The following MARCHF5 variants were observed in gnomAD, a reference collection of about 807,000 sequenced individuals.
MARCHF5 encodes the protein membrane associated ring-CH-type finger 5.
In MARCHF5, 5 loss-of-function variants were observed where a neutral mutation model predicts 36.5. The ratio of observed to expected loss-of-function variants is 0.14; its 90% CI spans 0.07 to 0.29. The LOEUF is 0.29. Among genes scored for constraint, MARCHF5 ranks in the 10% least tolerant of loss-of-function variants. The pLI, the probability that MARCHF5 is intolerant of heterozygous loss-of-function variation, is 1.00. For synonymous variants in MARCHF5, 103 were observed against 109.9 expected (o/e 0.94, Z 0.39); for missense variants, 179 against 336.3 (o/e 0.53, Z 3.66).
intron 3 of MARCHF5, among the ~76,000 whole-genome samples, chr10:92,343,121 T>G (rs1042498291): frequency 2.0e-5 from 3 of 152,236 alleles, no homozygotes; most frequent in Admixed American, 6.5e-5. Context: ...TAATCGTACT[T>G]CGTTCTGCTT....
chr10:92,317,933 T>TG (rs960399194), intron 2 of MARCHF5, among the ~76,000 whole-genome samples: 7 of 152,048 alleles, frequency 4.6e-5, no homozygotes, highest in Admixed American at 1.3e-4. Context: ...GTAGTTTTAG[T>TG]AGAGACAGTG....
intron 2 of MARCHF5, among the ~76,000 whole-genome samples, chr10:92,317,136 G>A (rs77233344): frequency 1.4e-3 from 208 of 152,196 alleles, no homozygotes; most frequent in Middle Eastern, 0.01. Flanking sequence ...GACGGATCTC[G>A]CACTGTCATC....
chr10:92,340,585 G>A (rs1843567343), intron 2 of MARCHF5, 88 bp from the exon 3 acceptor site: 12 of 1,244,492 alleles, frequency 9.6e-6, no homozygotes, highest in Non-Finnish European at 1.1e-5. Flanking sequence ...TTGGGGGGAA[G>A]GTATTTTAGA....
chr10:92,346,114 G>A (rs1165297781), intron 3 of MARCHF5, among the ~76,000 whole-genome samples: 1 of 152,202 alleles, frequency 6.6e-6, no homozygotes, highest in Non-Finnish European at 1.5e-5. Context: ...CAGAATGTAT[G>A]TGATTACACA....
At chr10:92,309,096 C>T (rs928992013) in intron 1 of MARCHF5, among the ~76,000 whole-genome samples, 2 of 151,836 alleles carry the variant, frequency 1.3e-5, no homozygotes, top group East Asian at 1.9e-4. Flanking sequence ...TGAAATGCAG[C>T]AAAAAATAAG....
At chr10:92,346,790 C>A (rs1055326965) in intron 3 of MARCHF5, among the ~76,000 whole-genome samples, 1 of 151,960 alleles carries the variant, frequency 6.6e-6, no homozygotes, top group Non-Finnish European at 1.5e-5. Flanking sequence ...ACCCCTACTT[C>A]CTTTTTGTTT....
At chr10:92,310,447 C>T (rs537282373) in intron 1 of MARCHF5, among the ~76,000 whole-genome samples, 1 of 152,006 alleles carries the variant, frequency 6.6e-6, no homozygotes, top group Admixed American at 6.6e-5. Flanking sequence ...TTAAAATTAC[C>T]GATCTCAATA....
At chr10:92,332,302 A>G (rs1000884623) in intron 2 of MARCHF5, among the ~76,000 whole-genome samples, 2 of 152,058 alleles carry the variant, frequency 1.3e-5, no homozygotes, top group African/African-American at 2.4e-5. Context: ...TATTAAGCAA[A>G]GTAACTTACA....
intron 2 of MARCHF5, among the ~76,000 whole-genome samples, chr10:92,329,609 T>C (rs2026054): frequency 0.99 from 150,280 of 152,252 alleles, 74,201 homozygotes; most frequent in Middle Eastern, 1. Context: ...ATATCATTGG[T>C]TTATTTCACT....
At chr10:92,319,237 T>C (rs1393223268) in intron 2 of MARCHF5, among the ~76,000 whole-genome samples, 1 of 152,156 alleles carries the variant, frequency 6.6e-6, no homozygotes, top group Non-Finnish European at 1.5e-5. Context: ...GTAACAGTTT[T>C]ATACAGTACA....
chr10:92,318,219 G>A lies in MARCHF5; in HGVS notation c.238+6882G>A, dbSNP rs535025487. 3.9e-5 allele frequency among the ~76,000 whole-genome samples: 6 copies of A among 152,150 alleles called. No individual in the cohort carries two copies. In the East Asian group the frequency reaches 1.2e-3, roughly 29 times the overall value. On this transcript the variant is annotated intron_variant, in intron 2 of 5. Transcript: ENST00000358935. ...AGGCAGGCAGATTGCTTGAGTGCAG[G>A]AGTTTGAAACCAGCCTCGGCAACAT...
chr10:92,324,658 A>G (rs1843332964), intron 2 of MARCHF5, among the ~76,000 whole-genome samples: 1 of 152,082 alleles, frequency 6.6e-6, no homozygotes, highest in Non-Finnish European at 1.5e-5. Flanking sequence ...TCCTCTAAGC[A>G]CTGCTTTAGC....
At chr10:92,297,192 G>T (rs1842956900) in intron 1 of MARCHF5, among the ~76,000 whole-genome samples, 1 of 148,058 alleles carries the variant, frequency 6.8e-6, no homozygotes. Flanking sequence ...TTTGAGTCAG[G>T]GTCTTACTCC....
At chr10:92,346,633 T>A (rs1479290681) in intron 3 of MARCHF5, among the ~76,000 whole-genome samples, 1 of 151,122 alleles carries the variant, frequency 6.6e-6, no homozygotes, top group African/African-American at 2.4e-5. Flanking sequence ...GGATTACAGA[T>A]GACCACCACC....
intron 5 of MARCHF5, 141 bp downstream of exon 5, chr10:92,349,978 A>G (rs1261645119): frequency 4.6e-6 from 3 of 649,672 alleles, no homozygotes; most frequent in Admixed American, 3.2e-5. Context: ...CTATCATTCA[A>G]TAGCTTGAGT....
Position 92,339,753 on chromosome 10 carries a change from C to T in MARCHF5, c.239-920C>T, listed in dbSNP as rs528257761. On this transcript the variant is annotated intron_variant, in intron 2 of 5. Transcript: ENST00000358935. ...AAATCAGGGCTGAGACCCTTCCATTCTTCTGGAAAATTCTGGAGCTAAATT... is the reference window on the plus strand; with the variant it reads ...AAATCAGGGCTGAGACCCTTCCATTTTTCTGGAAAATTCTGGAGCTAAATT... 4.6e-5 allele frequency among the ~76,000 whole-genome samples: 7 copies of T among 152,070 alleles called. No individual in the cohort carries two copies. The South Asian group carries it at 1.2e-3, about 27-fold the overall frequency.
chr10:92,291,685 C>T, intron 1 of MARCHF5, 156 bp downstream of exon 1: 1 of 720,440 alleles, frequency 1.4e-6, no homozygotes, highest in Non-Finnish European at 1.7e-6. Context: ...GGAGTCTAGA[C>T]CTGGGGGAGG....
intron 3 of MARCHF5, among the ~76,000 whole-genome samples, chr10:92,343,946 TACTAAG>T (rs1564953980): frequency 6.6e-6 from 1 of 152,212 alleles, no homozygotes; most frequent in Non-Finnish European, 1.5e-5. Flanking sequence ...CAGGATGATT[TACTAAG>T]ACTGAGAAAG....
intron 2 of MARCHF5, among the ~76,000 whole-genome samples, chr10:92,330,147 A>G (rs1466418368): frequency 6.6e-6 from 1 of 152,118 alleles, no homozygotes; most frequent in Non-Finnish European, 1.5e-5. Context: ...CTGGCCCTTC[A>G]TTTAGTCTTT....
Sources: gnomAD v4.1 joint callset for allele counts (sites outside exome capture counted in the v4.1 genomes callset) on GRCh38, gnomAD v4.1.1 for gene constraint, MANE v1.5 for transcripts, NCBI Gene and HGNC (gene_info 2026-07-23, HGNC 2026-07-21) for gene names.